Variants in KRT33B observed in about 807,000 individuals in gnomAD.
KRT33B encodes the protein keratin, type I cuticular Ha3-II.
KRT33B carries 37 observed loss-of-function variants against 42.7 expected under a neutral mutation model. The ratio of observed to expected loss-of-function variants is 0.87; its 90% CI spans 0.67 to 1.14. KRT33B has a LOEUF of 1.14. KRT33B is among the 50% of genes most tolerant of loss of function. KRT33B has a pLI of 0.00. For synonymous variants in KRT33B, 237 were observed against 221.2 expected, an observed-to-expected ratio of 1.07 and a Z score of -0.63; for missense variants, 523 against 515.1, an observed-to-expected ratio of 1.02 and a Z score of -0.15.
intron 1 of KRT33B, among the ~76,000 whole-genome samples, chr17:41,368,404 A>G (rs1183265795): frequency 1.3e-5 from 2 of 151,238 alleles, no homozygotes; most frequent in Non-Finnish European, 2.9e-5. Flanking sequence ...GCCCTTGTTC[A>G]TGCCTTTGCA....
At chr17:41,369,331 C>A in intron 1 of KRT33B, 72 bp downstream of exon 1, 1 of 1,553,956 alleles carries the variant, frequency 6.4e-7, no homozygotes, top group Non-Finnish European at 8.8e-7. Context: ...GACTTAGATC[C>A]ATTCACAGTT....
At chr17:41,369,234 C>T (rs2017743436) in intron 1 of KRT33B, among the ~76,000 whole-genome samples, 169 bp downstream of exon 1, 1 of 151,432 alleles carries the variant, frequency 6.6e-6, no homozygotes. Flanking sequence ...TCCTTTGTGG[C>T]TCTACAACAG....
intron 1 of KRT33B, among the ~76,000 whole-genome samples, chr17:41,369,047 G>C (rs2017740037): frequency 6.6e-6 from 1 of 151,402 alleles, no homozygotes. Context: ...GAAATTCTTA[G>C]CATAGAAAAT....
At position 41,369,554 on chromosome 17, in the gene KRT33B, CG is replaced by C. The variant is rs2017749403; in HGVS notation, c.196del (p.Arg66AlafsTer104). 6.2e-7 allele frequency: 1 copy of C among 1,613,846 alleles called. No individual in the cohort carries two copies. Among genetic ancestry groups the C allele is most frequent in the African/African-American group, 1.3e-5 (1 of 74,918 alleles). ...CACCTTCTCCAGGTAGCTGGCCAGG[CG>C]GTCGTTCAGGAACTGCATAGTCTCC... ...EKETMQFLND[R>X]LASYLEKVRQ... On this transcript the variant is annotated frameshift_variant, in exon 1 of 7. Transcript: ENST00000251646. LOFTEE classifies it high-confidence loss of function.
Position 41,366,628 on chromosome 17 carries a change from T to G in KRT33B, c.432-2A>C, listed in dbSNP as rs780036748. The stretch of plus-strand genomic sequence containing the variant: ...CGCAGGGACTGCTCCGTCTGGTACC[T>G]GCACACACAGCCAGAGGTCAAAAGA... On this transcript the variant is annotated splice_acceptor_variant, in intron 2 of 6. Coordinates refer to ENST00000251646, the MANE Select transcript of KRT33B (RefSeq NM_002279.5). LOFTEE classifies it high-confidence loss of function. 8 of 1,600,828 alleles carry G rather than the reference T, an allele frequency of 5.0e-6. No homozygotes were observed. The Admixed American group carries it at 5.2e-5, about 10-fold the overall frequency.
Position 41,369,488 on chromosome 17 carries a change from A to T in KRT33B, c.263T>A (p.Ile88Asn). ...CTCCTGCTGCTGAGACCGCTCCCGG[A>T]TGAGGTTCTCCAGCTCCGCGTTGTC... Reference protein sequence around the residue: ...ERDNAELENLIRERSQQQEPL... With the variant: ...ERDNAELENLNRERSQQQEPL... The change falls in exon 1 of 7, where the codon ATC becomes AAC. Residue 88 changes from isoleucine to asparagine, a missense_variant. Ile to Asn is a moderately radical substitution (Grantham distance 149, BLOSUM62 -3). Transcript: ENST00000251646. 4 of 1,613,844 alleles carry T rather than the reference A, an allele frequency of 2.5e-6. No individual in the cohort carries two copies. Among genetic ancestry groups the T allele is most frequent in the Non-Finnish European group, 3.4e-6 (4 of 1,180,044 alleles).
rs1340341045 is a variant in KRT33B at position 41,367,986 on chromosome 17, A to G, written c.353T>C (p.Leu118Pro). The change falls in exon 2 of 7, where the codon CTG (leucine) becomes CCG (proline). Residue 118 changes from leucine to proline, a missense_variant. Transcript: ENST00000251646. ...KTIEELQQKILCSKSENARLV... is the reference protein window; with the variant it reads ...KTIEELQQKIPCSKSENARLV... ...CCTGGCATTCTCAGACTTGCTGCAC[A>G]GGATCTGGGGATAGGATTAATCATG... The G allele has an allele frequency of 5.0e-6, 8 of 1,612,970 alleles. No individual in the cohort carries two copies. The highest frequency in any genetic ancestry group is 3.3e-5 in the Admixed American group (2 of 59,984).
chr17:41,365,606 T>C lies in KRT33B; in HGVS notation c.589-53A>G. Reference sequence around the variant, plus strand: ...CCACAGAAAGAAGTCTTTCAATAACTTCTTTGAGGCAGTTCAATATAATGG... The same window carrying C: ...CCACAGAAAGAAGTCTTTCAATAACCTCTTTGAGGCAGTTCAATATAATGG... On this transcript the variant is annotated intron_variant, in intron 3 of 6. Coordinates refer to ENST00000251646, the MANE Select transcript of KRT33B (RefSeq NM_002279.5). The C allele has an allele frequency of 8.9e-6, 14 of 1,577,574 alleles. No individual in the cohort carries two copies. In the South Asian group the frequency reaches 1.5e-4, roughly 17 times the overall value.
intron 2 of KRT33B, among the ~76,000 whole-genome samples, chr17:41,367,323 A>G (rs1230117539): frequency 6.6e-6 from 1 of 151,428 alleles, no homozygotes; most frequent in South Asian, 2.1e-4. Flanking sequence ...TAACGTATAC[A>G]AAGAGACCAA....
intron 6 of KRT33B, 28 bp downstream of exon 6, chr17:41,364,751 G>T (rs2017671578): frequency 2.5e-6 from 4 of 1,611,708 alleles, no homozygotes; most frequent in East Asian, 2.2e-5. Flanking sequence ...CCTGTCCCTT[G>T]CAGGGGTGCC....
chr17:41,366,583 T>C lies in KRT33B; in HGVS notation c.475A>G (p.Ile159Val). The C allele has an allele frequency of 6.2e-7, 1 of 1,612,254 alleles. No individual in the cohort carries two copies. Among genetic ancestry groups the C allele is most frequent in the Non-Finnish European group, 8.5e-7 (1 of 1,179,924 alleles). The change falls in exon 3 of 7, where the codon ATC becomes GTC. Residue 159 changes from isoleucine (I) to valine (V), a missense_variant. By Grantham distance (29) the Ile-to-Val change is conservative (BLOSUM62 3). Transcript: ENST00000251646. ...TCCAGAATCCTGCGCAGGCTGTTGA[T>C]GTCGGACTCCACCAGCTGCCGCAGG... is the stretch of plus-strand genomic sequence containing the variant. ...QSLRQLVESD[I>V]NSLRRILDEL...
At chr17:41,368,112 G>T (rs879850972) in intron 1 of KRT33B, 122 bp from the exon 2 acceptor site, 3 of 881,584 alleles carry the variant, frequency 3.4e-6, no homozygotes, top group Non-Finnish European at 5.5e-6. Flanking sequence ...CAGATTTTCA[G>T]CTCTGAGATA....
intron 4 of KRT33B, 41 bp downstream of exon 4, chr17:41,365,351 G>T: frequency 1.9e-6 from 3 of 1,609,840 alleles, no homozygotes; most frequent in Non-Finnish European, 2.5e-6. Flanking sequence ...GGGGCCCTGG[G>T]GGGCCTCGGG....
intron 2 of KRT33B, among the ~76,000 whole-genome samples, chr17:41,366,915 T>C (rs934533131): frequency 1.3e-5 from 2 of 151,246 alleles, no homozygotes; most frequent in Non-Finnish European, 2.9e-5. Context: ...GCTTTTGCCA[T>C]CTCAAGTGAA....
intron 4 of KRT33B, 43 bp downstream of exon 4, chr17:41,365,349 G>A (rs1462788277): frequency 3.1e-6 from 5 of 1,609,232 alleles, no homozygotes; most frequent in South Asian, 1.1e-5. Context: ...CCGGGGCCCT[G>A]GGGGGCCTCG....
In KRT33B at chr17:41,364,806, C is replaced by G. The variant is rs2017672758; in HGVS notation, c.1070G>C (p.Arg357Pro). The G allele has an allele frequency of 6.2e-7, 1 of 1,612,694 alleles. No homozygotes were observed. The highest frequency in any genetic ancestry group is 8.5e-7 in the Non-Finnish European group (1 of 1,179,952). The change falls in exon 6 of 7, where the codon CGG (arginine) becomes CCG (proline). Residue 357 changes from arginine to proline, a missense_variant. Coordinates refer to ENST00000251646, the MANE Select transcript of KRT33B (RefSeq NM_002279.5). ...ARLECEINTY[R>P]SLLESEDCKL... ...GCAGTCCTCGCTCTCCAGCAGGCTC[C>G]GGTATGTGTTGATCTCACACTCCAG...
At position 41,367,859 on chromosome 17, in the gene KRT33B, A is replaced by G. The variant is rs376080968; in HGVS notation, c.431+49T>C. The stretch of plus-strand genomic sequence containing the variant: ...AGGATAGGGAGCTCATCACTTTGTA[A>G]TTCAGCCTGTCCGTTACTAGACTGC... On this transcript the variant is annotated intron_variant, in intron 2 of 6. Transcript: ENST00000251646. The G allele has an allele frequency of 1.7e-4, 265 of 1,535,842 alleles. 1 individual carries two copies. The highest frequency in any genetic ancestry group is 1.4e-3 in the Middle Eastern group (8 of 5,890).
intron 3 of KRT33B, 40 bp downstream of exon 3, chr17:41,366,430 G>GTATTGTAT (rs1251578944): frequency 1.2e-6 from 2 of 1,607,184 alleles, no homozygotes; most frequent in South Asian, 2.2e-5. Flanking sequence ...GGGGATCACA[G>GTATTGTAT]AGCTCTCAGT....
intron 1 of KRT33B, among the ~76,000 whole-genome samples, chr17:41,368,312 G>A (rs1226466881): frequency 6.6e-6 from 1 of 151,178 alleles, no homozygotes; most frequent in African/African-American, 2.5e-5. Context: ...TGCTAAAATG[G>A]GAAAAATCCC....
Sources: gnomAD v4.1 joint callset for allele counts (sites outside exome capture counted in the v4.1 genomes callset) on GRCh38, gnomAD v4.1.1 for gene constraint, MANE v1.5 for transcripts, NCBI Gene and HGNC (gene_info 2026-07-23, HGNC 2026-07-21) for gene names.